Variants in ADAMTSL1 observed in about 807,000 individuals in gnomAD.
ADAMTSL1 encodes ADAMTS like 1.
A neutral mutation model predicts 201.8 loss-of-function variants in ADAMTSL1; 126 were observed. The ratio of observed to expected loss-of-function variants is 0.62; its 90% CI spans 0.54 to 0.72. The LOEUF is 0.72. ADAMTSL1 is among the 30% of genes least tolerant of loss of function. The pLI is 0.00. For synonymous variants in ADAMTSL1, 1,121 were observed against 903.4 expected (o/e 1.24, Z -4.32); for missense variants, 2,679 against 2,277.8 (o/e 1.18, Z -3.59).
chr9:18,556,917 G>A (rs954198993), intron 3 of ADAMTSL1, among the ~76,000 whole-genome samples: 6 of 151,992 alleles, frequency 3.9e-5, no homozygotes, highest in African/African-American at 1.2e-4. Context: ...ATGATGTGAT[G>A]AAGCTTTTTG....
At chr9:18,426,775 C>A (rs1819241069) in intron 2 of ADAMTSL1, among the ~76,000 whole-genome samples, 1 of 152,186 alleles carries the variant, frequency 6.6e-6, no homozygotes, top group African/African-American at 2.4e-5. Flanking sequence ...ACTTGACTAG[C>A]TGAATTCAAA....
intron 2 of ADAMTSL1, among the ~76,000 whole-genome samples, chr9:18,464,702 T>C (rs1475238478): frequency 6.6e-6 from 1 of 152,224 alleles, no homozygotes; most frequent in Non-Finnish European, 1.5e-5. Flanking sequence ...CAATTTCCTT[T>C]TCATAATTAC....
At chr9:18,438,228 A>G (rs1157582055) in intron 2 of ADAMTSL1, among the ~76,000 whole-genome samples, 5 of 71,324 alleles carry the variant, frequency 7.0e-5, no homozygotes, top group Admixed American at 1.2e-4. Context: ...AGAGATGGAG[A>G]AAAAAAAAAA....
chr9:18,659,775 A>G (rs921963925), intron 8 of ADAMTSL1, among the ~76,000 whole-genome samples: 8 of 152,204 alleles, frequency 5.3e-5, no homozygotes, highest in African/African-American at 1.9e-4. Flanking sequence ...TCAAAAAAAG[A>G]AGAAAGAAAG....
intron 7 of ADAMTSL1, among the ~76,000 whole-genome samples, chr9:18,655,206 C>T (rs1828552171): frequency 6.6e-6 from 1 of 152,336 alleles, no homozygotes; most frequent in Admixed American, 6.5e-5. Context: ...TATACTATCT[C>T]CTTGATTCCT....
At chr9:18,765,533 C>G (rs1820308425) in intron 16 of ADAMTSL1, among the ~76,000 whole-genome samples, 2 of 152,126 alleles carry the variant, frequency 1.3e-5, no homozygotes, top group African/African-American at 4.8e-5. Flanking sequence ...ACTCCCAGAA[C>G]TTATTGTAAA....
At chr9:18,460,965 A>T (rs1160136587) in intron 2 of ADAMTSL1, among the ~76,000 whole-genome samples, 1 of 152,204 alleles carries the variant, frequency 6.6e-6, no homozygotes. Context: ...GAGTGATAAC[A>T]TTGGCCATTT....
At chr9:18,464,728 A>G (rs571572837) in intron 2 of ADAMTSL1, among the ~76,000 whole-genome samples, 12 of 152,352 alleles carry the variant, frequency 7.9e-5, no homozygotes, top group Middle Eastern at 3.4e-3. Context: ...TTTATTTTGT[A>G]TGTTTATAAC....
intron 1 of ADAMTSL1, among the ~76,000 whole-genome samples, chr9:17,933,005 C>T (rs1483696652): frequency 2.0e-5 from 3 of 152,074 alleles, no homozygotes; most frequent in Non-Finnish European, 4.4e-5. Flanking sequence ...TTACAAAGTG[C>T]CCAGCCTGGC....
At position 18,636,029 on chromosome 9, in the gene ADAMTSL1, C is replaced by T; in HGVS notation, c.676+12C>T. On this transcript the variant is annotated intron_variant, in intron 6 of 28. Transcript: ENST00000380548. ...TCCTGATCACTTATGTAAGTAACTC[C>T]ATTGTTTTCCTTTGGGAATTGGGAA... 1 of 1,563,802 alleles carries T rather than the reference C, an allele frequency of 6.4e-7. No homozygotes were observed. The highest frequency in any genetic ancestry group is 8.6e-7 in the Non-Finnish European group (1 of 1,163,176).
At chr9:17,911,603 TAAA>T (rs1468547851) in intron 1 of ADAMTSL1, among the ~76,000 whole-genome samples, 2 of 69,224 alleles carry the variant, frequency 2.9e-5, no homozygotes, top group African/African-American at 5.8e-5. Flanking sequence ...AATTCAGTAA[TAAA>T]ATAAATACTT....
At chr9:18,184,023 C>G (rs1587255706) in intron 2 of ADAMTSL1, among the ~76,000 whole-genome samples, 1 of 152,286 alleles carries the variant, frequency 6.6e-6, no homozygotes, top group South Asian at 2.1e-4. Context: ...TGTCTTATTT[C>G]CCAGTGCTGT....
At chr9:18,886,505 A>T (rs1005427813) in intron 23 of ADAMTSL1, among the ~76,000 whole-genome samples, 2 of 151,286 alleles carry the variant, frequency 1.3e-5, no homozygotes, top group African/African-American at 4.8e-5. Context: ...ACATATAAAA[A>T]CTAGTGGCTT....
rs139604924 is a variant in ADAMTSL1, at chr9:18,721,582, G to C, written c.1923G>C (p.Glu641Asp). 169 of 1,613,884 alleles carry C rather than the reference G, an allele frequency of 1.0e-4. No homozygotes were observed. The highest frequency in any genetic ancestry group is 6.7e-5 in the Admixed American group (4 of 60,006). ...VVSCLNKQTR[E>D]PAEENLCVTS... ...GCTGCTTGAACAAACAGACTCGGGAGCCTGCTGAGGAGAACCTGTGCGTGA... is the reference window on the plus strand; with the variant it reads ...GCTGCTTGAACAAACAGACTCGGGACCCTGCTGAGGAGAACCTGTGCGTGA... The change falls in exon 15 of 29, where the codon GAG becomes GAC. Residue 641 changes from glutamate (E) to aspartate (D), a missense_variant. Transcript: ENST00000380548.
At chr9:18,197,036 C>T (rs1191109367) in intron 2 of ADAMTSL1, among the ~76,000 whole-genome samples, 2 of 152,108 alleles carry the variant, frequency 1.3e-5, no homozygotes, top group Non-Finnish European at 2.9e-5. Flanking sequence ...CTGGCAACTG[C>T]ATTTATCTGA....
intron 4 of ADAMTSL1, among the ~76,000 whole-genome samples, chr9:18,606,703 C>G (rs1362807717): frequency 1.3e-5 from 2 of 152,132 alleles, no homozygotes; most frequent in African/African-American, 4.8e-5. Context: ...TTCACGAACT[C>G]TGTAAAACAC....
chr9:18,316,077 A>C (rs1009245678), intron 2 of ADAMTSL1, among the ~76,000 whole-genome samples: 2 of 152,226 alleles, frequency 1.3e-5, no homozygotes, highest in Non-Finnish European at 2.9e-5. Flanking sequence ...CACAAGCTGC[A>C]AAAACCAGCA....
chr9:18,000,580 G>T (rs766879144), intron 1 of ADAMTSL1, among the ~76,000 whole-genome samples: 2 of 151,960 alleles, frequency 1.3e-5, no homozygotes, highest in Non-Finnish European at 2.9e-5. Flanking sequence ...GGAATTTATA[G>T]GTGACTTTTA....
At chr9:18,895,871 A>T (rs915969722) in intron 26 of ADAMTSL1, among the ~76,000 whole-genome samples, 4 of 152,272 alleles carry the variant, frequency 2.6e-5, no homozygotes, top group African/African-American at 7.2e-5. Flanking sequence ...TTTAAGGAAG[A>T]AAATAAACAT....
Sources: gnomAD v4.1 joint callset for allele counts (sites outside exome capture counted in the v4.1 genomes callset) on GRCh38, gnomAD v4.1.1 for gene constraint, MANE v1.5 for transcripts, NCBI Gene and HGNC (gene_info 2026-07-23, HGNC 2026-07-21) for gene names.